The following ANO10 variants were observed in gnomAD, a reference collection of about 807,000 sequenced individuals.
ANO10 encodes the protein anoctamin-10.
ANO10 carries 77 observed loss-of-function variants against 74.7 expected under a neutral mutation model. The observed-to-expected ratio is 1.03, with a 90% CI of 0.86 to 1.25. ANO10 has a LOEUF of 1.25. Ranked by LOEUF, ANO10 falls within the 50% of genes most tolerant of loss-of-function variation. ANO10 has a pLI of 0.00. For missense variants in ANO10, 721 were observed against 778.1 expected (o/e 0.93, Z 0.87); for synonymous variants, 279 against 284.9 (o/e 0.98, Z 0.21).
At chr3:43,419,526 ATT>A (rs1435177940) in intron 12 of ANO10, among the ~76,000 whole-genome samples, 5 of 141,388 alleles carry the variant, frequency 3.5e-5, no homozygotes, top group Non-Finnish European at 4.6e-5. Context: ...TATTTGTTGC[ATT>A]TTTTTTTTTT....
chr3:43,566,570 G>A (rs2080361165), intron 7 of ANO10, among the ~76,000 whole-genome samples: 1 of 152,178 alleles, frequency 6.6e-6, no homozygotes, highest in Non-Finnish European at 1.5e-5. Flanking sequence ...CCCCCAGCAG[G>A]GGTACACTGA....
chr3:43,431,718 A>C (rs2092984351), intron 12 of ANO10, among the ~76,000 whole-genome samples: 1 of 151,920 alleles, frequency 6.6e-6, no homozygotes, highest in African/African-American at 2.4e-5. Flanking sequence ...TCTTATCACA[A>C]GTCCTCTTCT....
At chr3:43,651,833 T>G (rs966946201) in intron 1 of ANO10, among the ~76,000 whole-genome samples, 1 of 152,188 alleles carries the variant, frequency 6.6e-6, no homozygotes, top group Non-Finnish European at 1.5e-5. Context: ...AACTTAAATT[T>G]AATATCCGAT....
chr3:43,448,392 C>A (rs1001391899), intron 11 of ANO10, among the ~76,000 whole-genome samples: 4 of 152,124 alleles, frequency 2.6e-5, no homozygotes, highest in Non-Finnish European at 4.4e-5. Flanking sequence ...GATCTTTTTA[C>A]TGTCTCTATA....
chr3:43,400,037 T>C (rs2092451398), intron 12 of ANO10, among the ~76,000 whole-genome samples: 1 of 152,254 alleles, frequency 6.6e-6, no homozygotes, highest in Admixed American at 6.5e-5. Context: ...CTAAAGAGGG[T>C]TGCAGCTTCT....
chr3:43,531,934 G>C (rs1250534455), intron 11 of ANO10, among the ~76,000 whole-genome samples: 1 of 150,250 alleles, frequency 6.7e-6, no homozygotes, highest in African/African-American at 2.4e-5. Context: ...AGTCATGAAA[G>C]AGCCAAGAGC....
chr3:43,569,365 C>T (rs1460616012), intron 7 of ANO10, among the ~76,000 whole-genome samples: 2 of 145,708 alleles, frequency 1.4e-5, no homozygotes, highest in East Asian at 2.0e-4. Context: ...ATACCAAAGT[C>T]GGGCAGAGAC....
chr3:43,677,571 C>T (rs982775560), intron 1 of ANO10, among the ~76,000 whole-genome samples: 9 of 152,200 alleles, frequency 5.9e-5, no homozygotes, highest in African/African-American at 1.9e-4. Flanking sequence ...TATTTTCTCA[C>T]AATTCTGTGG....
At chr3:43,538,901 T>C (rs918447877) in intron 11 of ANO10, among the ~76,000 whole-genome samples, 1 of 152,246 alleles carries the variant, frequency 6.6e-6, no homozygotes, top group African/African-American at 2.4e-5. Context: ...ATCCACAATC[T>C]ATTCATTTTT....
Position 43,472,677 on chromosome 3 carries a change from A to G in ANO10, c.1798-39950T>C, listed in dbSNP as rs938043009. ...ACTGGCTCTTCCTATTTGACGTAGG[A>G]GGAAAAATTGCTATAAAAAAAATTT... On this transcript the variant is annotated intron_variant, in intron 11 of 12. Coordinates refer to ENST00000292246, the MANE Select transcript of ANO10 (RefSeq NM_018075.5). The G allele has an allele frequency of 3.3e-5, 5 of 152,322 alleles. No homozygotes were observed. The East Asian group carries it at 9.6e-4, about 29-fold the overall frequency. The allele number at this position is 152,322 out of a possible 1,614,324, so 9.4% of individuals were successfully genotyped here. A position where few individuals can be genotyped will look rare whatever the true frequency, so the allele number is the denominator to read the frequency against.
intron 11 of ANO10, among the ~76,000 whole-genome samples, chr3:43,459,159 T>C (rs1286697125): frequency 6.6e-6 from 1 of 152,150 alleles, no homozygotes; most frequent in Non-Finnish European, 1.5e-5. Flanking sequence ...TTCTCAATTT[T>C]TTTTTCCTGA....
intron 11 of ANO10, among the ~76,000 whole-genome samples, chr3:43,519,533 G>T (rs1559641839): frequency 6.6e-6 from 1 of 152,166 alleles, no homozygotes; most frequent in East Asian, 1.9e-4. Flanking sequence ...CATTCCAGAG[G>T]ATCTTTGATG....
chr3:43,596,561 T>C (rs2082094527), intron 4 of ANO10, among the ~76,000 whole-genome samples: 2 of 152,106 alleles, frequency 1.3e-5, no homozygotes, highest in African/African-American at 4.8e-5. Context: ...GCCAGCCATA[T>C]ATAGAAAGCT....
At chr3:43,652,914 T>G (rs1300082841) in intron 1 of ANO10, 2 of 151,754 alleles carry the variant, frequency 1.3e-5, no homozygotes, top group African/African-American at 4.8e-5. Flanking sequence ...GTAAGAAAAT[T>G]ATCAATGCCA....
Position 43,403,598 on chromosome 3 carries a change from T to C in ANO10, c.1914+29013A>G, listed in dbSNP as rs111300886. Among the ~76,000 whole-genome samples, 101 of 152,312 alleles carry C rather than the reference T, an allele frequency of 6.6e-4. 1 individual carries two copies. Among genetic ancestry groups the C allele is most frequent in the African/African-American group, 2.0e-3 (85 of 41,574 alleles). ...AAAGCTGTGGAGCTGATGGATAGGA[T>C]AACCCTGTGCCCCAGAAGATGGGAA... On this transcript the variant is annotated intron_variant, in intron 12 of 12. Coordinates refer to ENST00000292246, the MANE Select transcript of ANO10 (RefSeq NM_018075.5).
chr3:43,654,649 CCTTCTACTCCTCT>C (rs1341623082), intron 1 of ANO10, among the ~76,000 whole-genome samples: 1 of 152,204 alleles, frequency 6.6e-6, no homozygotes, highest in African/African-American at 2.4e-5. Flanking sequence ...TTGCCCCTTT[CCTTCTACTCCTCT>C]CTTCTACCAC....
chr3:43,673,896 A>C (rs1254740453), intron 1 of ANO10, among the ~76,000 whole-genome samples: 2 of 152,080 alleles, frequency 1.3e-5, no homozygotes, highest in African/African-American at 4.8e-5. Context: ...ATGACACTAG[A>C]ACTTGAAATT....
intron 11 of ANO10, among the ~76,000 whole-genome samples, chr3:43,504,300 G>GTAGGCAGA (rs71083075): frequency 4.3e-5 from 6 of 139,822 alleles, no homozygotes; most frequent in African/African-American, 1.6e-4. Context: ...AGGTAGGTAG[G>GTAGGCAGA]TAGATAGATA....
intron 12 of ANO10, among the ~76,000 whole-genome samples, chr3:43,368,120 G>C (rs2091474091): frequency 6.6e-6 from 1 of 152,168 alleles, no homozygotes; most frequent in African/African-American, 2.4e-5. Context: ...AGCCTGGCCT[G>C]TCTCCCACAG....
Sources: gnomAD v4.1 joint callset for allele counts (sites outside exome capture counted in the v4.1 genomes callset) on GRCh38, gnomAD v4.1.1 for gene constraint, MANE v1.5 for transcripts, NCBI Gene and HGNC (gene_info 2026-07-23, HGNC 2026-07-21) for gene names.